CELA1: variants seen among roughly 807,000 people sequenced by gnomAD.
CELA1 encodes chymotrypsin like elastase 1.
In CELA1, 28 loss-of-function variants were observed where a neutral mutation model predicts 34.8. The observed-to-expected ratio is 0.80, with a 90% CI of 0.60 to 1.10. The LOEUF (loss-of-function observed/expected upper bound fraction) is 1.10, where lower values mean the gene tolerates loss of function less well. CELA1 is among the 50% of genes least tolerant of loss of function. The probability of loss-of-function intolerance (pLI) is 0.00; values close to 1 mark genes in which losing one functional copy is unlikely to be tolerated. For synonymous variants in CELA1, 140 were observed against 129.8 expected (o/e 1.08, Z -0.53); for missense variants, 288 against 327.5 (o/e 0.88, Z 0.93).
intron 7 of CELA1, among the ~76,000 whole-genome samples, chr12:51,329,438 C>G (rs1010207196): frequency 6.6e-6 from 1 of 152,020 alleles, no homozygotes; most frequent in African/African-American, 2.4e-5. Context: ...GATGTTGCCA[C>G]TGTCTTACCC....
chr12:51,334,423 A>T (rs1592295871), intron 6 of CELA1, among the ~76,000 whole-genome samples: 1 of 152,112 alleles, frequency 6.6e-6, no homozygotes, highest in Non-Finnish European at 1.5e-5. Flanking sequence ...ATACACACAA[A>T]AAACTTTTTA....
chr12:51,333,184 T>G (rs1565699875), intron 6 of CELA1, among the ~76,000 whole-genome samples: 1 of 151,130 alleles, frequency 6.6e-6, no homozygotes, highest in Non-Finnish European at 1.5e-5. Context: ...CACTTCCGCC[T>G]CCTAGGTTCA....
Position 51,343,870 on chromosome 12 carries a change from G to C in CELA1, c.100-17C>G. On this transcript the variant is annotated splice_polypyrimidine_tract_variant and intron_variant, in intron 2 of 7. Transcript: ENST00000293636. Reference sequence around the variant, plus strand: ...GAGGGAAATCTAGATGGGGAGGAAAGAAAGAAGGGATAGGTTGGTGTTTCT... The same window carrying C: ...GAGGGAAATCTAGATGGGGAGGAAACAAAGAAGGGATAGGTTGGTGTTTCT... 7.3e-7 allele frequency: 1 copy of C among 1,370,966 alleles called. No individual in the cohort carries two copies. The highest frequency in any genetic ancestry group is 1.0e-6 in the Non-Finnish European group (1 of 965,332). 84.9% of individuals were successfully genotyped at this position (1,370,966 alleles called of 1,614,324 possible).
At chr12:51,328,723 G>A in intron 7 of CELA1, 129 bp from the exon 8 acceptor site, 1 of 968,054 alleles carries the variant, frequency 1.0e-6, no homozygotes, top group Non-Finnish European at 1.6e-6. Context: ...TGGGGACAGG[G>A]AGGCAGGAAG....
intron 6 of CELA1, among the ~76,000 whole-genome samples, chr12:51,336,552 G>A (rs1228132164): frequency 2.0e-5 from 3 of 152,144 alleles, no homozygotes; most frequent in Admixed American, 6.5e-5. Flanking sequence ...ACTTGAGCCC[G>A]TGAGACAGAG....
intron 2 of CELA1, 107 bp from the exon 3 acceptor site, chr12:51,343,960 T>TGA (rs1946552481): frequency 2.9e-6 from 2 of 678,382 alleles, no homozygotes; most frequent in Non-Finnish European, 5.4e-6. Context: ...TTTGGAAGGC[T>TGA]GAGGCAGGAG....
chr12:51,340,143 G>T, intron 5 of CELA1, 138 bp from the exon 6 acceptor site: 2 of 723,054 alleles, frequency 2.8e-6, no homozygotes, highest in South Asian at 3.9e-5. Context: ...GTTGCATGTG[G>T]TGGATCCTCT....
intron 6 of CELA1, among the ~76,000 whole-genome samples, chr12:51,333,565 T>A (rs1015706360): frequency 3.9e-5 from 6 of 151,956 alleles, no homozygotes; most frequent in Admixed American, 6.6e-5. Flanking sequence ...GCTAATTTTT[T>A]AAATTTTTGC....
At chr12:51,332,955 A>G (rs1446360570) in intron 6 of CELA1, among the ~76,000 whole-genome samples, 2 of 152,120 alleles carry the variant, frequency 1.3e-5, no homozygotes, top group African/African-American at 4.8e-5. Flanking sequence ...TTTGAGATGG[A>G]GTCTCGCTCT....
chr12:51,344,283 A>G (rs369808919), intron 2 of CELA1, among the ~76,000 whole-genome samples: 1 of 152,200 alleles, frequency 6.6e-6, no homozygotes, highest in South Asian at 2.1e-4. Context: ...GTGTACATGG[A>G]TGGAGGAGTA....
intron 2 of CELA1, 45 bp downstream of exon 2, chr12:51,345,750 A>C (rs1315005155): frequency 7.6e-7 from 1 of 1,318,464 alleles, no homozygotes; most frequent in East Asian, 2.5e-5. Context: ...TCATGCACTG[A>C]GCTCTTATTT....
At chr12:51,336,216 A>G (rs1382460574) in intron 6 of CELA1, among the ~76,000 whole-genome samples, 1 of 152,170 alleles carries the variant, frequency 6.6e-6, no homozygotes, top group Non-Finnish European at 1.5e-5. Flanking sequence ...GAAACACTCA[A>G]GTATTTATGT....
chr12:51,338,252 A>C (rs1946511852), intron 6 of CELA1, among the ~76,000 whole-genome samples: 1 of 63,560 alleles, frequency 1.6e-5, no homozygotes, highest in African/African-American at 5.6e-5. Flanking sequence ...AAAAAAAAAA[A>C]CATACACACA....
rs1045642152 is a variant in CELA1, at chr12:51,341,182, T to C, written c.463+62A>G. The stretch of plus-strand genomic sequence containing the variant: ...ACCTAGGACCACAGAAAAAGGTGTC[T>C]TAGAAGCTCAGCTACCTAATCAAGA... On this transcript the variant is annotated intron_variant, in intron 5 of 7. Coordinates refer to ENST00000293636, the MANE Select transcript of CELA1 (RefSeq NM_001971.6). The C allele has an allele frequency of 1.4e-4, 229 of 1,594,622 alleles. 1 individual carries two copies. Among genetic ancestry groups the C allele is most frequent in the Non-Finnish European group, 1.8e-5 (21 of 1,163,566 alleles).
At chr12:51,334,901 G>A (rs1247134873) in intron 6 of CELA1, among the ~76,000 whole-genome samples, 1 of 152,132 alleles carries the variant, frequency 6.6e-6, no homozygotes, top group African/African-American at 2.4e-5. Flanking sequence ...GTCGTAGTCT[G>A]GTCTCCAAAC....
chr12:51,333,501 C>T (rs12298477), intron 6 of CELA1, among the ~76,000 whole-genome samples: 8,914 of 151,822 alleles, frequency 0.059, 757 homozygotes, highest in East Asian at 0.3. Context: ...TCAAGCAGTC[C>T]TCCCACTTCA....
chr12:51,344,953 C>T (rs569862745), intron 2 of CELA1, among the ~76,000 whole-genome samples: 33 of 151,934 alleles, frequency 2.2e-4, no homozygotes, highest in African/African-American at 7.2e-4. Context: ...GGTGAAACCC[C>T]GTCTCTACTA....
Position 51,342,604 on chromosome 12 carries a change from T to C in CELA1, c.297A>G (p.Pro99=), listed in dbSNP as rs780787145. The C allele has an allele frequency of 8.1e-6, 13 of 1,614,198 alleles. No homozygotes were observed. The highest frequency in any genetic ancestry group is 5.0e-5 in the Admixed American group (3 of 60,022). ...CAGCCACGTTATCGCTGTTCCAGTA[T>C]GGATGCACCACGATCTTCTGCACAC... ...YVSVQKIVVH[P]YWNSDNVAAG... is the part of the protein sequence containing the mutation. Residue 99 remains proline (P), a synonymous_variant, in exon 4 of 8, where the codon CCA becomes CCG. Transcript: ENST00000293636.
At chr12:51,330,654 G>A (rs1054811760) in intron 6 of CELA1, among the ~76,000 whole-genome samples, 4 of 152,160 alleles carry the variant, frequency 2.6e-5, no homozygotes, top group African/African-American at 9.7e-5. Context: ...AAAAGCAGAT[G>A]GTTAAGGATC....
Sources: gnomAD v4.1 joint callset for allele counts (sites outside exome capture counted in the v4.1 genomes callset) on GRCh38, gnomAD v4.1.1 for gene constraint, MANE v1.5 for transcripts, NCBI Gene and HGNC (gene_info 2026-07-23, HGNC 2026-07-21) for gene names.